Variants in CYP27C1 observed in about 807,000 individuals in gnomAD.
CYP27C1 encodes the protein cytochrome P450 27C1.
A neutral mutation model predicts 40.6 loss-of-function variants in CYP27C1; 29 were observed. The observed-to-expected ratio is 0.71, with a 90% confidence interval of 0.53 to 0.97. The LOEUF (loss-of-function observed/expected upper bound fraction) is 0.97. Ranked by LOEUF, CYP27C1 falls within the 50% of genes least tolerant of loss-of-function variation. CYP27C1 has a pLI of 0.00. For missense variants in CYP27C1, 390 were observed against 485.8 expected, an observed-to-expected ratio of 0.80 and a Z score of 1.85; for synonymous variants, 198 against 186.8, an observed-to-expected ratio of 1.06 and a Z score of -0.49.
At chr2:127,212,526 A>G (rs979723733) in intron 1 of CYP27C1, among the ~76,000 whole-genome samples, 22 of 152,356 alleles carry the variant, frequency 1.4e-4, no homozygotes, top group African/African-American at 5.1e-4. Flanking sequence ...ACAAATCAAT[A>G]AACGTAATCC....
rs1358577665 is a variant in CYP27C1 at position 127,193,261 on chromosome 2, G to C, written c.1330C>G (p.Gln444Glu). ...TTGGCCCGAGGGAAGTTCTCATCCT[G>C]GTACGATGTGGCATAGTGGCAAAGG... is the stretch of plus-strand genomic sequence containing the variant. ...LALCHYATSY[Q>E]DENFPRAKEF... is the part of the protein sequence containing the mutation. The change falls in exon 8 of 9, where the codon CAG becomes GAG. Residue 444 changes from glutamine (Q) to glutamate (E), a missense_variant. Gln to Glu is a conservative substitution (Grantham distance 29). Transcript: ENST00000664447. 1 of 1,614,190 alleles carries C rather than the reference G, an allele frequency of 6.2e-7. No homozygotes were observed.
At chr2:127,203,062 G>A (rs1683077674) in intron 3 of CYP27C1, among the ~76,000 whole-genome samples, 1 of 152,164 alleles carries the variant, frequency 6.6e-6, no homozygotes, top group South Asian at 2.1e-4. Flanking sequence ...CAGCTACTCG[G>A]GAGGCTGAGG....
In CYP27C1 at chr2:127,202,067, C is replaced by A. The variant is rs529736643; in HGVS notation, c.674-736G>T. Among the ~76,000 whole-genome samples the A allele has an allele frequency of 7.3e-5, 11 of 150,618 alleles. No homozygotes were observed. In the South Asian group the frequency reaches 2.4e-3, roughly 32 times the overall value. ...AAAGATGAGAAAGCTGATAGAAAGT[C>A]CTCCAAGATGCATTCTATTTTTTTT... On this transcript the variant is annotated intron_variant, in intron 3 of 8. Transcript: ENST00000664447.
At chr2:127,216,372 G>A (rs1683430712) in intron 1 of CYP27C1, among the ~76,000 whole-genome samples, 1 of 152,162 alleles carries the variant, frequency 6.6e-6, no homozygotes, top group Non-Finnish European at 1.5e-5. Flanking sequence ...AAAAGAATGA[G>A]GTACTGATAC....
rs1464872885 is a variant in CYP27C1 at position 127,204,597 on chromosome 2, G to GC, written c.474-1027_474-1026insG. 1.9e-3 allele frequency among the ~76,000 whole-genome samples: 189 copies of GC among 99,218 alleles called. 5 individuals are homozygous for GC. The highest frequency in any genetic ancestry group is 7.1e-3 in the African/African-American group (171 of 24,152). The allele number at this position is 99,218 out of a possible 152,430, so 65.1% of individuals were successfully genotyped here. A position where few individuals can be genotyped will look rare whatever the true frequency, so the allele number is the denominator to read the frequency against. ...AGAAAGAAAGAAAGAAAGAAAGAAA[G>GC]AAAGAAAGAAAGAAAGAAAGAAAGA... On this transcript the variant is annotated intron_variant, in intron 2 of 8. Coordinates refer to ENST00000664447, the MANE Select transcript of CYP27C1 (RefSeq NM_001367502.1).
intron 3 of CYP27C1, among the ~76,000 whole-genome samples, chr2:127,202,469 G>C (rs1204630888): frequency 6.6e-6 from 1 of 152,188 alleles, no homozygotes; most frequent in African/African-American, 2.4e-5. Context: ...GTGCAGAACA[G>C]TATGTTTGGT....
In CYP27C1 at chr2:127,209,389, A is replaced by C. The variant is rs1683294990; in HGVS notation, c.283-3299T>G. 6.6e-6 allele frequency among the ~76,000 whole-genome samples: 1 copy of C among 152,230 alleles called. No individual in the cohort carries two copies. Among genetic ancestry groups the C allele is most frequent in the Non-Finnish European group, 1.5e-5 (1 of 68,030 alleles). Reference sequence around the variant, plus strand: ...AGCAGCCTCAAGACTGAAACTAGACAAACTCACAGAGATGAGAAATAATCA... The same window carrying C: ...AGCAGCCTCAAGACTGAAACTAGACCAACTCACAGAGATGAGAAATAATCA... On this transcript the variant is annotated intron_variant, in intron 1 of 8. Coordinates refer to ENST00000664447, the MANE Select transcript of CYP27C1 (RefSeq NM_001367502.1). The surrounding 1 kb of genome is among the most constrained non-coding windows in gnomAD (Gnocchi z 4.1).
intron 1 of CYP27C1, among the ~76,000 whole-genome samples, chr2:127,214,802 T>TTG (rs1683397283): frequency 5.8e-5 from 5 of 86,518 alleles, no homozygotes; most frequent in African/African-American, 1.7e-4. Flanking sequence ...TTTTTTTTGG[T>TTG]TTTTTTTTTT....
At chr2:127,194,190 A>T (rs908484544) in intron 6 of CYP27C1, among the ~76,000 whole-genome samples, 1 of 152,210 alleles carries the variant, frequency 6.6e-6, no homozygotes, top group Admixed American at 6.5e-5. Context: ...GGACCACTTT[A>T]TCAAGGAATA....
Position 127,201,186 on chromosome 2 carries a change from A to C in CYP27C1, c.819T>G (p.Leu273=), listed in dbSNP as rs761492232. ...SMYAGAIPRW[L]RPFIPKPWRE... Reference sequence around the variant, plus strand: ...GCCAGGGCTTTGGGATGAAGGGGCGAAGCCATCTGGGGATGGCGCCTGCAT... The same window carrying C: ...GCCAGGGCTTTGGGATGAAGGGGCGCAGCCATCTGGGGATGGCGCCTGCAT... The change falls in exon 4 of 9, where the codon CTT becomes CTG. Residue 273 remains leucine (L), a synonymous_variant. Transcript: ENST00000664447. This position sits in a 1 kb window ranked among gnomAD's most constrained non-coding sequence, Gnocchi z 6.0. 1.2e-5 allele frequency: 19 copies of C among 1,614,156 alleles called. No homozygotes were observed. The highest frequency in any genetic ancestry group is 3.3e-5 in the Admixed American group (2 of 60,016).
chr2:127,189,475 G>A (rs1682713120), intron 8 of CYP27C1, among the ~76,000 whole-genome samples: 1 of 152,010 alleles, frequency 6.6e-6, no homozygotes, highest in African/African-American at 2.4e-5. Flanking sequence ...GAAGAGGAGG[G>A]AAAGCATTAG....
rs1002460080 is a variant in CYP27C1 at position 127,209,692 on chromosome 2, A to G, written c.283-3602T>C. On this transcript the variant is annotated intron_variant, in intron 1 of 8. Transcript: ENST00000664447. This position sits in a 1 kb window ranked among gnomAD's most constrained non-coding sequence, Gnocchi z 4.1. ...ATAAATGACCAGATGGAGCTGAAAA[A>G]CACAGTGTGAGAACTTCGTGAAGCA... is the stretch of plus-strand genomic sequence containing the variant. Among the ~76,000 whole-genome samples the G allele has an allele frequency of 6.6e-6, 1 of 152,208 alleles. No individual in the cohort carries two copies. The highest frequency in any genetic ancestry group is 1.5e-5 in the Non-Finnish European group (1 of 68,020).
At position 127,200,941 on chromosome 2, in the gene CYP27C1, C is replaced by A. The variant is rs11680885; in HGVS notation, c.883+181G>T. 3.0e-4 allele frequency among the ~76,000 whole-genome samples: 46 copies of A among 151,186 alleles called. No individual in the cohort carries two copies. On this transcript the variant is annotated intron_variant, in intron 4 of 8. Transcript: ENST00000664447. This position sits in a 1 kb window ranked among gnomAD's most constrained non-coding sequence, Gnocchi z 4.2. The stretch of plus-strand genomic sequence containing the variant: ...TCACACCACTGCACTCCAGCATGGG[C>A]GACAGAGCCAGACTCCGTCTCAAAA...
chr2:127,190,429 G>A (rs1338344878), intron 8 of CYP27C1, among the ~76,000 whole-genome samples: 9 of 138,714 alleles, frequency 6.5e-5, no homozygotes, highest in Non-Finnish European at 1.2e-4. Context: ...TGCAACCTCT[G>A]CCTCCTGGGT....
chr2:127,198,009 TACTC>T (rs1265520210), intron 5 of CYP27C1, among the ~76,000 whole-genome samples: 1 of 152,148 alleles, frequency 6.6e-6, no homozygotes, highest in African/African-American at 2.4e-5. Context: ...CGCTGCATCT[TACTC>T]ACAGGACACA....
rs1168961864 is a variant in CYP27C1 at position 127,219,088 on chromosome 2, CCCGAGCCT to C, written c.282+893_282+900del. On this transcript the variant is annotated intron_variant, in intron 1 of 8. Coordinates refer to ENST00000664447, the MANE Select transcript of CYP27C1 (RefSeq NM_001367502.1). The surrounding 1 kb of genome is among the most constrained non-coding windows in gnomAD (Gnocchi z 8.7). Reference sequence around the variant, plus strand: ...AACTCCGGCTTAGAGCCTACGGCACCCCGAGCCTCCGAGCCTCCGTCCCCTCTTCCCCC... The same window carrying C: ...AACTCCGGCTTAGAGCCTACGGCACCCCGAGCCTCCGTCCCCTCTTCCCCC... 6.6e-6 allele frequency among the ~76,000 whole-genome samples: 1 copy of C among 152,152 alleles called. No homozygotes were observed. Among genetic ancestry groups the C allele is most frequent in the South Asian group, 2.1e-4 (1 of 4,832 alleles).
chr2:127,188,357 A>C (rs1171314525), intron 8 of CYP27C1, among the ~76,000 whole-genome samples: 1 of 152,172 alleles, frequency 6.6e-6, no homozygotes, highest in Non-Finnish European at 1.5e-5. Context: ...CTCCAACCTC[A>C]GCCTCCTCAG....
At chr2:127,205,765 ACTGT>A in intron 2 of CYP27C1, 131 bp downstream of exon 2, 1 of 985,410 alleles carries the variant, frequency 1.0e-6, no homozygotes, top group Non-Finnish European at 1.2e-6. Context: ...GCACAAGGAG[ACTGT>A]CTGATATCAT....
intron 5 of CYP27C1, among the ~76,000 whole-genome samples, chr2:127,197,970 A>T (rs1283549038): frequency 5.3e-5 from 8 of 152,124 alleles, no homozygotes; most frequent in Admixed American, 5.2e-4. Flanking sequence ...ACAGATGTGC[A>T]GATGCACACA....
Sources: gnomAD v4.1 joint callset for allele counts (sites outside exome capture counted in the v4.1 genomes callset) on GRCh38, gnomAD v4.1.1 for gene constraint, Gnocchi (gnomAD v3.1) non-coding constraint, MANE v1.5 for transcripts, NCBI Gene and HGNC (gene_info 2026-07-23, HGNC 2026-07-21) for gene names.